Variants in CFAP100 observed in about 807,000 individuals in gnomAD.
CFAP100 encodes the protein cilia- and flagella-associated protein 100.
CFAP100 carries 70 observed loss-of-function variants against 81.5 expected under a neutral mutation model. That is an observed-to-expected ratio of 0.86 (90% confidence interval 0.71 to 1.05). CFAP100 has a LOEUF of 1.05. Among genes scored for constraint, CFAP100 ranks in the 50% least tolerant of loss-of-function variants. The pLI is 0.00. For synonymous variants in CFAP100, 341 were observed against 314.8 expected, an observed-to-expected ratio of 1.08 and a Z score of -0.88; for missense variants, 811 against 776.5, an observed-to-expected ratio of 1.04 and a Z score of -0.53.
At chr3:126,420,308 C>G in intron 11 of CFAP100, 79 bp downstream of exon 11, 10 of 1,551,252 alleles carry the variant, frequency 6.4e-6, no homozygotes, top group Non-Finnish European at 6.1e-6. Flanking sequence ...GTAGTCAGGT[C>G]TGAGTGCCAC....
At chr3:126,419,874 AC>A in intron 9 of CFAP100, 56 bp downstream of exon 9, 2 of 1,610,318 alleles carry the variant, frequency 1.2e-6, no homozygotes, top group African/African-American at 2.7e-5. Flanking sequence ...GCCCACTGCG[AC>A]CCTGAGCCCA....
intron 2 of CFAP100, among the ~76,000 whole-genome samples, chr3:126,398,482 G>A (rs1045168818): frequency 2.2e-4 from 33 of 152,330 alleles, no homozygotes; most frequent in African/African-American, 5.3e-4. Flanking sequence ...GTGCATGCGC[G>A]TCAGGCCAGG....
At chr3:126,398,358 T>C (rs1234752763) in intron 2 of CFAP100, among the ~76,000 whole-genome samples, 2 of 152,130 alleles carry the variant, frequency 1.3e-5, no homozygotes, top group Admixed American at 1.3e-4. Context: ...TCACTGTGGG[T>C]GTGGAGAGTT....
rs774947983 is a variant in CFAP100 at position 126,418,593 on chromosome 3, C to T, written c.487-18C>T. 1.2e-6 allele frequency: 2 copies of T among 1,611,734 alleles called. No individual in the cohort carries two copies. The highest frequency in any genetic ancestry group is 2.2e-5 in the South Asian group (2 of 90,846). On this transcript the variant is annotated intron_variant, in intron 6 of 16. Coordinates refer to ENST00000352312, the MANE Select transcript of CFAP100 (RefSeq NM_182628.3). ...TGGCCCGGGCCAGGCACCATGACCCCACTCTGCTGGCCCCCAGTATGCCCT... is the reference window on the plus strand; with the variant it reads ...TGGCCCGGGCCAGGCACCATGACCCTACTCTGCTGGCCCCCAGTATGCCCT...
intron 2 of CFAP100, among the ~76,000 whole-genome samples, chr3:126,406,188 C>T (rs1043185479): frequency 1.6e-4 from 24 of 152,154 alleles, no homozygotes; most frequent in Non-Finnish European, 1.0e-4. Flanking sequence ...TGTGTGGCCC[C>T]GAAGGCCTCT....
chr3:126,394,916 C>CG lies in CFAP100; in HGVS notation c.-122_-121insG, dbSNP rs2082861449. 6.6e-6 allele frequency: 1 copy of CG among 152,308 alleles called. No homozygotes were observed. The highest frequency in any genetic ancestry group is 1.5e-5 in the Non-Finnish European group (1 of 68,096). 9.4% of individuals were successfully genotyped at this position (152,308 alleles called of 1,614,324 possible). On this transcript the variant is annotated 5_prime_UTR_variant, in exon 1 of 17. Transcript: ENST00000352312. ...CCTTGGAGACGTAAACCCAAGAGCC[C>CG]TGCTCCTGGAGCTGAGAACTGCAGC...
intron 4 of CFAP100, among the ~76,000 whole-genome samples, chr3:126,415,375 C>A (rs1029580669): frequency 1.3e-4 from 19 of 149,788 alleles, no homozygotes; most frequent in Non-Finnish European, 2.4e-4. Context: ...ACCCGGCAGG[C>A]TCTCCCACTT....
intron 9 of CFAP100, 58 bp from the exon 10 acceptor site, chr3:126,419,922 C>A (rs370650576): frequency 2.5e-6 from 4 of 1,611,980 alleles, no homozygotes; most frequent in Admixed American, 3.3e-5. Flanking sequence ...GGCCACATGG[C>A]GTTGCTGAAG....
chr3:126,419,131 A>G lies in CFAP100; in HGVS notation c.706A>G (p.Thr236Ala). 1 of 1,585,902 alleles carries G rather than the reference A, an allele frequency of 6.3e-7. No homozygotes were observed. The highest frequency in any genetic ancestry group is 8.6e-7 in the Non-Finnish European group (1 of 1,165,772). ...IEKILEIRDL[T>A]TQIVNIKSEI... ...GAAGATCCTTGAGATCCGGGACCTC[A>G]CCACCCAGATTGTTAATATCAAAAG... Residue 236 changes from threonine to alanine, a missense_variant, in exon 8 of 17, where the codon ACC (threonine) becomes GCC (alanine). Coordinates refer to ENST00000352312, the MANE Select transcript of CFAP100 (RefSeq NM_182628.3).
At chr3:126,409,028 G>C (rs1485915775) in intron 3 of CFAP100, among the ~76,000 whole-genome samples, 3 of 152,164 alleles carry the variant, frequency 2.0e-5, no homozygotes, top group African/African-American at 7.2e-5. Flanking sequence ...GGCTCAATCA[G>C]TGCTTCAGCC....
At chr3:126,412,468 T>C (rs1438944825) in intron 3 of CFAP100, among the ~76,000 whole-genome samples, 2 of 152,204 alleles carry the variant, frequency 1.3e-5, no homozygotes, top group African/African-American at 4.8e-5. Flanking sequence ...CTTTATCAGA[T>C]TGGGGGGTTC....
chr3:126,434,287 C>A lies in CFAP100; in HGVS notation c.1534C>A (p.His512Asn), dbSNP rs779987447. 1 of 1,614,090 alleles carries A rather than the reference C, an allele frequency of 6.2e-7. No homozygotes were observed. Among genetic ancestry groups the A allele is most frequent in the South Asian group, 1.1e-5 (1 of 91,088 alleles). ...CGTGCAGATGCTGACCATCATTGAG[C>A]ACCAGCTGGATGAGCTGCTAGAGAA... ...GTVQMLTIIE[H>N]QLDELLENLE... Residue 512 changes from histidine to asparagine, a missense_variant, in exon 15 of 17, where the codon CAC becomes AAC. Coordinates refer to ENST00000352312, the MANE Select transcript of CFAP100 (RefSeq NM_182628.3).
intron 11 of CFAP100, among the ~76,000 whole-genome samples, chr3:126,421,761 G>A (rs892736617): frequency 6.6e-6 from 1 of 152,244 alleles, no homozygotes; most frequent in African/African-American, 2.4e-5. Flanking sequence ...GACCCAAGCT[G>A]GCTTTCCTTT....
intron 13 of CFAP100, among the ~76,000 whole-genome samples, chr3:126,424,432 C>T (rs950334434): frequency 6.6e-6 from 1 of 152,240 alleles, no homozygotes; most frequent in African/African-American, 2.4e-5. Context: ...CAGGTGGCTG[C>T]CCAGCTCTCA....
intron 2 of CFAP100, among the ~76,000 whole-genome samples, chr3:126,404,896 A>G (rs1183320728): frequency 6.6e-6 from 1 of 152,110 alleles, no homozygotes; most frequent in African/African-American, 2.4e-5. Flanking sequence ...GATGGTCTCG[A>G]TCTCCTGACC....
At chr3:126,421,695 G>A (rs973770457) in intron 11 of CFAP100, among the ~76,000 whole-genome samples, 3 of 152,194 alleles carry the variant, frequency 2.0e-5, no homozygotes, top group Non-Finnish European at 4.4e-5. Context: ...ACCCAGATGG[G>A]TAGCCCCAAC....
intron 5 of CFAP100, among the ~76,000 whole-genome samples, chr3:126,417,574 T>C (rs768327127): frequency 2.0e-5 from 3 of 152,148 alleles, no homozygotes; most frequent in Non-Finnish European, 4.4e-5. Context: ...CAGCATGGCC[T>C]GTTCTTTTTC....
At chr3:126,408,739 C>T (rs1428586570) in intron 3 of CFAP100, among the ~76,000 whole-genome samples, 1 of 152,096 alleles carries the variant, frequency 6.6e-6, no homozygotes, top group Non-Finnish European at 1.5e-5. Context: ...AGCACCTGAC[C>T]CTCCGCACAA....
At position 126,419,062 on chromosome 3, in the gene CFAP100, C is replaced by T. The variant is rs199987503; in HGVS notation, c.651-14C>T. 23 of 1,492,272 alleles carry T rather than the reference C, an allele frequency of 1.5e-5. No individual in the cohort carries two copies. Among genetic ancestry groups the T allele is most frequent in the Middle Eastern group, 2.4e-4 (1 of 4,248 alleles). The allele number at this position is 1,492,272 out of a possible 1,614,324, so 92.4% of individuals were successfully genotyped here. On this transcript the variant is annotated splice_polypyrimidine_tract_variant and intron_variant, in intron 7 of 16. Coordinates refer to ENST00000352312, the MANE Select transcript of CFAP100 (RefSeq NM_182628.3). ...CTTGCCCCCATCCCTCCTCCCCCGCCGCCCAACCCCTAGGGCTGAGAAGGA... is the reference window on the plus strand; with the variant it reads ...CTTGCCCCCATCCCTCCTCCCCCGCTGCCCAACCCCTAGGGCTGAGAAGGA...
Sources: allele counts gnomAD v4.1 joint callset (sites outside exome capture counted in the v4.1 genomes callset), GRCh38; gene constraint gnomAD v4.1.1; transcripts MANE v1.5; gene names NCBI Gene and HGNC (gene_info 2026-07-23, HGNC 2026-07-21).